The following RRN3 variants were observed in gnomAD, a reference collection of about 807,000 sequenced individuals.
The protein encoded by RRN3 is RNA polymerase I transcription factor RRN3, also known as RNA polymerase I-specific transcription initiation factor RRN3.
RRN3 carries 38 observed loss-of-function variants against 82.3 expected under a neutral mutation model. The ratio of observed to expected loss-of-function variants is 0.46; its 90% CI spans 0.36 to 0.61. The LOEUF is 0.61. RRN3 is among the 20% of genes least tolerant of loss of function. RRN3 has a pLI of 0.00. For synonymous variants in RRN3, 284 were observed against 284.3 expected (o/e 1.00, Z 0.01); for missense variants, 726 against 793.1 (o/e 0.92, Z 1.02).
chr16:15,066,625 C>G (rs2044986036), intron 15 of RRN3, among the ~76,000 whole-genome samples: 1 of 147,888 alleles, frequency 6.8e-6, no homozygotes, highest in African/African-American at 2.5e-5. Context: ...AGAGCAAGAC[C>G]TTGTCTCAAA....
intron 17 of RRN3, 142 bp from the exon 18 acceptor site, chr16:15,062,047 C>G: frequency 1.3e-6 from 1 of 786,494 alleles, no homozygotes; most frequent in Admixed American, 2.7e-5. Flanking sequence ...AGTGTAGTGG[C>G]ACACGCCTGT....
At chr16:15,072,245 C>CAAAAAA (rs55852324) in intron 12 of RRN3, among the ~76,000 whole-genome samples, 2 of 133,468 alleles carry the variant, frequency 1.5e-5, no homozygotes, top group Non-Finnish European at 1.6e-5. Flanking sequence ...TTTCCCCCAC[C>CAAAAAA]AAAAAAAAAA....
intron 10 of RRN3, chr16:15,076,295 G>C: frequency 1.7e-6 from 1 of 595,810 alleles, no homozygotes; most frequent in Non-Finnish European, 3.0e-6. Flanking sequence ...GACAGCATCT[G>C]GCTTACAAAA....
At position 15,079,793 on chromosome 16, in the gene RRN3, C is replaced by T. The variant is rs538012566; in HGVS notation, c.765+205G>A. On this transcript the variant is annotated intron_variant, in intron 9 of 17. Transcript: ENST00000198767. ...TTGTATTTTTATAGAGACGGGGTTT[C>T]GCCATGTTGGCCAGGCTGGTCTCGA... Among the ~76,000 whole-genome samples, 7 of 152,252 alleles carry T rather than the reference C, an allele frequency of 4.6e-5. No individual in the cohort carries two copies. In the East Asian group the frequency reaches 5.8e-4, roughly 13 times the overall value.
rs1266620970 is a variant in RRN3, at chr16:15,094,053, G to T, written c.89+92C>A. 51 of 1,148,634 alleles carry T rather than the reference G, an allele frequency of 4.4e-5. 1 individual carries two copies. In the South Asian group the frequency reaches 5.1e-4, roughly 12 times the overall value. The allele number at this position is 1,148,634 out of a possible 1,614,324, so 71.2% of individuals were successfully genotyped here. A position where few individuals can be genotyped will look rare whatever the true frequency, so the allele number is the denominator to read the frequency against. On this transcript the variant is annotated intron_variant, in intron 1 of 17. Coordinates refer to ENST00000198767, the MANE Select transcript of RRN3 (RefSeq NM_018427.5). ...ACCCCGTGCTCCTATCACACGCCAT[G>T]AGCTTTGTCCCACATCCTTTCAATC... is the stretch of plus-strand genomic sequence containing the variant.
chr16:15,074,677 C>G lies in RRN3; in HGVS notation c.997+46G>C, dbSNP rs764806660. The G allele has an allele frequency of 3.3e-6, 5 of 1,496,528 alleles. No individual in the cohort carries two copies. The South Asian group carries it at 6.1e-5, about 18-fold the overall frequency. 92.7% of individuals were successfully genotyped at this position (1,496,528 alleles called of 1,614,324 possible). A position where few individuals can be genotyped will look rare whatever the true frequency, so the allele number is the denominator to read the frequency against. On this transcript the variant is annotated intron_variant, in intron 11 of 17. Coordinates refer to ENST00000198767, the MANE Select transcript of RRN3 (RefSeq NM_018427.5). ...GGATGGAAAATGCCCAGCACAAAGC[C>G]AGGTACACTGCAGGTGTTCAATAAA...
intron 5 of RRN3, among the ~76,000 whole-genome samples, 188 bp downstream of exon 5, chr16:15,085,941 A>C (rs1034336786): frequency 6.6e-6 from 1 of 152,196 alleles, no homozygotes; most frequent in African/African-American, 2.4e-5. Context: ...ATAAATTCAT[A>C]AAACTCACAG....
intron 1 of RRN3, among the ~76,000 whole-genome samples, chr16:15,093,637 C>T (rs1161245272): frequency 3.3e-5 from 5 of 152,186 alleles, no homozygotes; most frequent in Admixed American, 3.3e-4. Context: ...AAAAACATAG[C>T]ATCCTAATGA....
chr16:15,089,867 G>A (rs1401056482), intron 3 of RRN3, among the ~76,000 whole-genome samples: 1 of 150,942 alleles, frequency 6.6e-6, no homozygotes, highest in Admixed American at 6.6e-5. Context: ...TTAAGAAGTG[G>A]GTGGCCAACA....
chr16:15,082,837 A>G (rs545427641), intron 8 of RRN3, among the ~76,000 whole-genome samples: 2 of 152,212 alleles, frequency 1.3e-5, no homozygotes, highest in Non-Finnish European at 2.9e-5. Context: ...CAAAAACTTA[A>G]GCAGAATTCT....
intron 17 of RRN3, among the ~76,000 whole-genome samples, chr16:15,062,754 G>A (rs2081204262): frequency 6.6e-6 from 1 of 152,214 alleles, no homozygotes; most frequent in Admixed American, 6.5e-5. Context: ...ATGTCAGTAT[G>A]TGAAGTGTCT....
intron 17 of RRN3, 35 bp downstream of exon 17, chr16:15,063,161 A>AT: frequency 7.1e-7 from 1 of 1,409,180 alleles, no homozygotes; most frequent in East Asian, 2.3e-5. Flanking sequence ...CAGAAAGGAG[A>AT]TTCCGAGAGT....
At chr16:15,084,099 C>A (rs1368497030) in intron 7 of RRN3, among the ~76,000 whole-genome samples, 2 of 152,226 alleles carry the variant, frequency 1.3e-5, no homozygotes, top group Non-Finnish European at 2.9e-5. Flanking sequence ...CTGATATCAA[C>A]AGCAAATCAA....
intron 16 of RRN3, among the ~76,000 whole-genome samples, chr16:15,063,572 G>A (rs530162107): frequency 1.3e-5 from 2 of 151,926 alleles, no homozygotes; most frequent in South Asian, 2.1e-4. Flanking sequence ...GCCGGGTGTG[G>A]TGGCGGACAC....
chr16:15,083,236 T>C (rs1467894417), intron 8 of RRN3, among the ~76,000 whole-genome samples: 3 of 152,022 alleles, frequency 2.0e-5, no homozygotes, highest in African/African-American at 7.2e-5. Flanking sequence ...TTGTCTCTAC[T>C]AAAAATACAA....
intron 3 of RRN3, among the ~76,000 whole-genome samples, chr16:15,087,855 C>A (rs1166826418): frequency 6.6e-6 from 1 of 152,184 alleles, no homozygotes. Context: ...TAGCTCATGT[C>A]TGTAATCCCA....
At chr16:15,064,624 A>C (rs963453993) in intron 16 of RRN3, among the ~76,000 whole-genome samples, 1 of 152,246 alleles carries the variant, frequency 6.6e-6, no homozygotes, top group Admixed American at 6.5e-5. Flanking sequence ...TTACATGTTT[A>C]AATAACAGTT....
intron 16 of RRN3, among the ~76,000 whole-genome samples, chr16:15,064,536 C>T (rs1053205650): frequency 2.4e-4 from 36 of 152,160 alleles, no homozygotes; most frequent in African/African-American, 8.7e-4. Flanking sequence ...GAGGAAGGAA[C>T]AAGACACTTG....
intron 15 of RRN3, among the ~76,000 whole-genome samples, chr16:15,066,191 C>T (rs2044962940): frequency 6.6e-6 from 1 of 152,164 alleles, no homozygotes; most frequent in African/African-American, 2.4e-5. Context: ...GTGGAGGACA[C>T]ATCAGCAAAA....
Sources: gnomAD v4.1 joint callset for allele counts (sites outside exome capture counted in the v4.1 genomes callset) on GRCh38, gnomAD v4.1.1 for gene constraint, MANE v1.5 for transcripts, NCBI Gene and HGNC (gene_info 2026-07-23, HGNC 2026-07-21) for gene names.